Variants in SLC40A1 observed in about 807,000 individuals in gnomAD.
The protein encoded by SLC40A1 is solute carrier family 40 member 1, also known as ferroportin.
In SLC40A1, 16 loss-of-function variants were observed where a neutral mutation model predicts 53.5. That is an observed-to-expected ratio of 0.30 (90% CI 0.20 to 0.45). SLC40A1 has a LOEUF of 0.45. Ranked by LOEUF, SLC40A1 falls within the 20% of genes least tolerant of loss-of-function variation. The pLI is 1.00. For synonymous variants in SLC40A1, 247 were observed against 253.2 expected (o/e 0.98, Z 0.23); for missense variants, 545 against 695.4 (o/e 0.78, Z 2.43).
In SLC40A1 at chr2:189,561,492, A is replaced by G. The variant is rs1410946981; in HGVS notation, c.*386T>C. On this transcript the variant is annotated 3_prime_UTR_variant, in exon 8 of 8. Coordinates refer to ENST00000261024, the MANE Select transcript of SLC40A1 (RefSeq NM_014585.6). ...AAAAATAAATTAGCTAGTCTTGAAC[A>G]AGAGTGAGTTTTGCAGAAAACTGAC... 1 of 178,032 alleles carries G rather than the reference A, an allele frequency of 5.6e-6. No homozygotes were observed. The highest frequency in any genetic ancestry group is 5.6e-5 in the Admixed American group (1 of 17,728). The allele number at this position is 178,032 out of a possible 1,614,324, so 11.0% of individuals were successfully genotyped here.
chr2:189,563,609 A>G lies in SLC40A1; in HGVS notation c.1377T>C (p.Phe459=). The change falls in exon 7 of 8, where the codon TTT becomes TTC. Residue 459 remains phenylalanine, a synonymous_variant. Coordinates refer to ENST00000261024, the MANE Select transcript of SLC40A1 (RefSeq NM_014585.6). ...SVPIISVSLL[F]AGVIAARIGL... The stretch of plus-strand genomic sequence containing the variant: ...CGATTCTAGCAGCAATGACGCCTGC[A>G]AACAGCAGACTGACAGAGATTATGG... The G allele has an allele frequency of 6.2e-7, 1 of 1,614,124 alleles. No homozygotes were observed. Among genetic ancestry groups the G allele is most frequent in the South Asian group, 1.1e-5 (1 of 91,064 alleles).
chr2:189,566,362 G>C (rs2030940545), intron 5 of SLC40A1, among the ~76,000 whole-genome samples: 1 of 152,304 alleles, frequency 6.6e-6, no homozygotes, highest in East Asian at 1.9e-4. Context: ...TCATACCCTG[G>C]AGCACAATGT....
At chr2:189,567,300 T>A (rs980055991) in intron 5 of SLC40A1, among the ~76,000 whole-genome samples, 1 of 152,058 alleles carries the variant, frequency 6.6e-6, no homozygotes, top group Admixed American at 6.5e-5. Flanking sequence ...GATAACAAAG[T>A]CTAGAGTTTG....
Position 189,575,335 on chromosome 2 carries a change from G to C in SLC40A1, c.112-15C>G. 1 of 1,613,932 alleles carries C rather than the reference G, an allele frequency of 6.2e-7. No homozygotes were observed. The highest frequency in any genetic ancestry group is 8.5e-7 in the Non-Finnish European group (1 of 1,179,862). On this transcript the variant is annotated splice_polypyrimidine_tract_variant and intron_variant, in intron 2 of 7. Coordinates refer to ENST00000261024, the MANE Select transcript of SLC40A1 (RefSeq NM_014585.6). ...ATCCGATCTCCCTTAAATGAAAAGA[G>C]AAAATGTTTTGATGGAATATTTTTC...
chr2:189,579,914 T>C, intron 1 of SLC40A1, 34 bp from the exon 2 acceptor site: 2 of 1,598,716 alleles, frequency 1.3e-6, no homozygotes, highest in Non-Finnish European at 1.7e-6. Context: ...CAAAAAGCGA[T>C]GGTAGTCACT....
Position 189,562,040 on chromosome 2 carries a change from T to A in SLC40A1, c.1554A>T (p.Glu518Asp). Residue 518 changes from glutamate to aspartate, a missense_variant, in exon 8 of 8, where the codon GAA (glutamate) becomes GAT (aspartate). Physicochemically the swap from Glu to Asp is conservative, Grantham distance 45 (BLOSUM62 2). Around this residue, in one of 4 missense-constraint regions of SLC40A1, gnomAD observed 234 missense variants for 299.0 expected, o/e 0.78. Transcript: ENST00000261024. ...FIMVILAPNP[E>D]AFGLLVLISV... The stretch of plus-strand genomic sequence containing the variant: ...AAATCAATACGAGCAAGCCAAAAGC[T>A]TCAGGATTTGGAGCCAGGATGACCA... 1 of 1,614,122 alleles carries A rather than the reference T, an allele frequency of 6.2e-7. No individual in the cohort carries two copies. Among genetic ancestry groups the A allele is most frequent in the Non-Finnish European group, 8.5e-7 (1 of 1,179,986 alleles).
rs751571899 is a variant in SLC40A1 at position 189,561,951 on chromosome 2, T to C, written c.1643A>G (p.Asn548Ser). Reference sequence around the variant, plus strand: ...ATCAGGACCGCAAGCAAAGAGCTTGTTTCCCAGAGTATTTTGGGCAAATCG... The same window carrying C: ...ATCAGGACCGCAAGCAAAGAGCTTGCTTCCCAGAGTATTTTGGGCAAATCG... Reference protein sequence around the residue: ...YFRFAQNTLGNKLFACGPDAK... With the variant: ...YFRFAQNTLGSKLFACGPDAK... Residue 548 changes from asparagine to serine, a missense_variant, in exon 8 of 8, where the codon AAC becomes AGC. Coordinates refer to ENST00000261024, the MANE Select transcript of SLC40A1 (RefSeq NM_014585.6). The C allele has an allele frequency of 3.1e-6, 5 of 1,614,176 alleles. No homozygotes were observed. Among genetic ancestry groups the C allele is most frequent in the Middle Eastern group, 3.3e-4 (2 of 6,062 alleles).
intron 6 of SLC40A1, 66 bp from the exon 7 acceptor site, chr2:189,564,291 A>C (rs1320758476): frequency 1.4e-6 from 2 of 1,445,476 alleles, no homozygotes; most frequent in Non-Finnish European, 1.9e-6. Flanking sequence ...AATTATTAGT[A>C]GTACTTTTTT....
rs1196427074 is a variant in SLC40A1, at chr2:189,561,072, T to C, written c.*806A>G. On this transcript the variant is annotated 3_prime_UTR_variant, in exon 8 of 8. Transcript: ENST00000261024. ...GTTCTACAACACAGATCACTAATGA[T>C]GATAACATGAGTTAAATTGGGATTC... 1 of 152,250 alleles carries C rather than the reference T, an allele frequency of 6.6e-6. No individual in the cohort carries two copies. Among genetic ancestry groups the C allele is most frequent in the Admixed American group, 6.5e-5 (1 of 15,284 alleles). 9.4% of individuals were successfully genotyped at this position (152,250 alleles called of 1,614,324 possible). A position where few individuals can be genotyped will look rare whatever the true frequency, so the allele number is the denominator to read the frequency against.
At chr2:189,577,287 A>C (rs887518326) in intron 2 of SLC40A1, among the ~76,000 whole-genome samples, 3 of 152,192 alleles carry the variant, frequency 2.0e-5, no homozygotes, top group East Asian at 3.9e-4. Context: ...AGCAGCGCAC[A>C]AAAGGTTTTC....
At chr2:189,564,990 C>A (rs2030886382) in intron 6 of SLC40A1, among the ~76,000 whole-genome samples, 1 of 152,212 alleles carries the variant, frequency 6.6e-6, no homozygotes, top group Non-Finnish European at 1.5e-5. Flanking sequence ...CAAATGACTA[C>A]ATAACTCCCT....
chr2:189,563,833 T>A lies in SLC40A1; in HGVS notation c.1153A>T (p.Ile385Phe). ...ATGAATACAGAGATCACACACAAGATCAAACAGGAAAGCTGTGCCAATCCT... is the reference window on the plus strand; with the variant it reads ...ATGAATACAGAGATCACACACAAGAACAAACAGGAAAGCTGTGCCAATCCT... ...ISGLAQLSCL[I>F]LCVISVFMPG... The change falls in exon 7 of 8, where the codon ATC becomes TTC. Residue 385 changes from isoleucine to phenylalanine, a missense_variant. This residue lies in a region of SLC40A1 where 234 missense variants were observed against 299.0 expected (regional missense o/e 0.78). Transcript: ENST00000261024. The A allele has an allele frequency of 6.2e-7, 1 of 1,614,082 alleles. No homozygotes were observed. The highest frequency in any genetic ancestry group is 8.5e-7 in the Non-Finnish European group (1 of 1,180,014).
At chr2:189,579,543 A>G (rs185439468) in intron 2 of SLC40A1, among the ~76,000 whole-genome samples, 110 of 152,352 alleles carry the variant, frequency 7.2e-4, no homozygotes, top group Admixed American at 4.2e-3. Flanking sequence ...AAATTTAAAA[A>G]CAAGGCAAAT....
At position 189,579,809 on chromosome 2, in the gene SLC40A1, T is replaced by C. The variant is rs781128259; in HGVS notation, c.111+4A>G. On this transcript the variant is annotated splice_donor_region_variant and intron_variant, in intron 2 of 7. Transcript: ENST00000261024. ...GTGTTGTAAGACTATGCATTCTCAC[T>C]TACCCAAGTAGAGAGAGAATGACCA... 1 of 1,613,336 alleles carries C rather than the reference T, an allele frequency of 6.2e-7. No homozygotes were observed.
chr2:189,575,674 ATCTT>A (rs2031266794), intron 2 of SLC40A1, among the ~76,000 whole-genome samples: 1 of 152,226 alleles, frequency 6.6e-6, no homozygotes, highest in African/African-American at 2.4e-5. Context: ...GAATTTGCCT[ATCTT>A]GATTGCAGAG....
At chr2:189,568,297 G>A (rs1046720457) in intron 5 of SLC40A1, among the ~76,000 whole-genome samples, 62 of 152,160 alleles carry the variant, frequency 4.1e-4, no homozygotes, top group African/African-American at 1.4e-3. Flanking sequence ...GACAATCCTG[G>A]CTAACACAGT....
intron 5 of SLC40A1, among the ~76,000 whole-genome samples, chr2:189,567,044 G>A (rs1347114858): frequency 6.6e-6 from 1 of 152,202 alleles, no homozygotes; most frequent in African/African-American, 2.4e-5. Context: ...GGGGCCAACT[G>A]AGCTGAGGGT....
Position 189,564,129 on chromosome 2 carries a change from G to A in SLC40A1, c.857C>T (p.Ser286Phe). 1 of 1,611,788 alleles carries A rather than the reference G, an allele frequency of 6.2e-7. No individual in the cohort carries two copies. Among genetic ancestry groups the A allele is most frequent in the Non-Finnish European group, 8.5e-7 (1 of 1,179,094 alleles). ...LEHEQEPTCA[S>F]QMAEPFRTFR... ...GGTACGGAAGGGCTCAGCCATCTGG[G>A]AGGCACAAGTAGGCTCTTGCTCATG... Residue 286 changes from serine (S) to phenylalanine (F), a missense_variant, in exon 7 of 8, where the codon TCC becomes TTC. Coordinates refer to ENST00000261024, the MANE Select transcript of SLC40A1 (RefSeq NM_014585.6).
At chr2:189,579,921 CACTT>C (rs2031402989) in intron 1 of SLC40A1, 41 bp from the exon 2 acceptor site, 2 of 1,584,526 alleles carry the variant, frequency 1.3e-6, no homozygotes, top group East Asian at 2.2e-5. Context: ...CGATGGTAGT[CACTT>C]AATGAGCTGA....
Sources: allele counts gnomAD v4.1 joint callset (sites outside exome capture counted in the v4.1 genomes callset), GRCh38; gene constraint gnomAD v4.1.1; regional missense constraint gnomAD v4.1.1; transcripts MANE v1.5; gene names NCBI Gene and HGNC (gene_info 2026-07-23, HGNC 2026-07-21).